The following TMEM132B variants were observed in gnomAD, a reference collection of about 807,000 sequenced individuals.
TMEM132B encodes the protein transmembrane protein 132B.
TMEM132B carries 18 observed loss-of-function variants against 90.8 expected under a neutral mutation model. The ratio of observed to expected loss-of-function variants is 0.20; its 90% confidence interval spans 0.14 to 0.29. TMEM132B has a LOEUF of 0.29. Among genes scored for constraint, TMEM132B ranks in the 10% least tolerant of loss-of-function variants. The pLI is 1.00. For synonymous variants in TMEM132B, 504 were observed against 523.3 expected (o/e 0.96, Z 0.50); for missense variants, 1,096 against 1,326.8 (o/e 0.83, Z 2.70).
At chr12:125,491,042 T>G (rs981807160) in intron 3 of TMEM132B, among the ~76,000 whole-genome samples, 2 of 151,972 alleles carry the variant, frequency 1.3e-5, no homozygotes, top group African/African-American at 4.8e-5. Context: ...CCAGCACCAG[T>G]CAAGCCTTTG....
intron 3 of TMEM132B, among the ~76,000 whole-genome samples, chr12:125,515,054 A>C (rs1883074216): frequency 6.6e-6 from 1 of 152,190 alleles, no homozygotes; most frequent in South Asian, 2.1e-4. Flanking sequence ...TTTGGAAGGA[A>C]GGTGTGTGCT....
At chr12:125,391,827 C>CATG (rs372362541) in intron 2 of TMEM132B, among the ~76,000 whole-genome samples, 111 of 152,210 alleles carry the variant, frequency 7.3e-4, no homozygotes, top group African/African-American at 2.5e-3. Context: ...TGCACAGTGA[C>CATG]ATGATCTCAA....
intron 2 of TMEM132B, among the ~76,000 whole-genome samples, chr12:125,401,367 T>C (rs1272054427): frequency 6.6e-6 from 1 of 152,102 alleles, no homozygotes; most frequent in Non-Finnish European, 1.5e-5. Flanking sequence ...AAGCAAAGTG[T>C]ATATTGGGTA....
chr12:125,507,961 G>A (rs1882886487), intron 3 of TMEM132B, among the ~76,000 whole-genome samples: 1 of 152,070 alleles, frequency 6.6e-6, no homozygotes, highest in South Asian at 2.1e-4. Context: ...CTTGGCCTAG[G>A]GCAGAAACAG....
intron 3 of TMEM132B, among the ~76,000 whole-genome samples, chr12:125,427,835 T>G (rs752264152): frequency 6.6e-6 from 1 of 152,222 alleles, no homozygotes; most frequent in Non-Finnish European, 1.5e-5. Context: ...TTTTGTGATT[T>G]CCTTATGCAG....
In TMEM132B at chr12:125,555,585, G is replaced by T. The variant is rs377446166; in HGVS notation, c.1294-28266G>T. Among the ~76,000 whole-genome samples, 11 of 120,116 alleles carry T rather than the reference G, an allele frequency of 9.2e-5. No individual in the cohort carries two copies. The East Asian group carries it at 1.8e-3, about 19-fold the overall frequency. 78.8% of individuals were successfully genotyped at this position (120,116 alleles called of 152,430 possible). On this transcript the variant is annotated intron_variant, in intron 4 of 8. Transcript: ENST00000682704. Reference sequence around the variant, plus strand: ...GTTGTGGGGTGGGGGGTGGGGGGAGGGATAGCATTAGGAGATATACCTAAT... The same window carrying T: ...GTTGTGGGGTGGGGGGTGGGGGGAGTGATAGCATTAGGAGATATACCTAAT...
In TMEM132B at chr12:125,603,786, G is replaced by A. The variant is rs566727613; in HGVS notation, c.1437+19792G>A. ...CAACCCTATTGAAAAGTGGGCAAAGGATATGAACAGACACTTCTCGAAAGA... is the reference window on the plus strand; with the variant it reads ...CAACCCTATTGAAAAGTGGGCAAAGAATATGAACAGACACTTCTCGAAAGA... On this transcript the variant is annotated intron_variant, in intron 5 of 8. Transcript: ENST00000682704. Among the ~76,000 whole-genome samples, 33 of 152,230 alleles carry A rather than the reference G, an allele frequency of 2.2e-4. 1 individual carries two copies. In the South Asian group the frequency reaches 6.6e-3, roughly 31 times the overall value.
At chr12:125,235,505 A>G (rs1044623417) in intron 1 of TMEM132B, among the ~76,000 whole-genome samples, 1 of 151,162 alleles carries the variant, frequency 6.6e-6, no homozygotes, top group African/African-American at 2.4e-5. Context: ...TTTAAACCGA[A>G]CCATTCAGTG....
chr12:125,217,907 C>T (rs576614675), intron 1 of TMEM132B, among the ~76,000 whole-genome samples: 113 of 152,194 alleles, frequency 7.4e-4, no homozygotes, highest in African/African-American at 2.5e-3. Context: ...AGCAGTTGTT[C>T]GTAAGAGGAG....
intron 2 of TMEM132B, among the ~76,000 whole-genome samples, chr12:125,394,052 A>G (rs1879103459): frequency 1.3e-5 from 2 of 152,190 alleles, no homozygotes; most frequent in Admixed American, 1.3e-4. Flanking sequence ...ACAGAGAACA[A>G]CCCATATAGC....
Position 125,617,151 on chromosome 12 carries a change from G to A in TMEM132B, c.1438-26925G>A, listed in dbSNP as rs59151977. Among the ~76,000 whole-genome samples the A allele has an allele frequency of 3.8e-3, 574 of 152,218 alleles. 4 individuals are homozygous for A. Among genetic ancestry groups the A allele is most frequent in the African/African-American group, 0.013 (538 of 41,538 alleles). On this transcript the variant is annotated intron_variant, in intron 5 of 8. Transcript: ENST00000682704. ...TTTTTGAAAGCTTTTACCACTCTGG[G>A]TACTGATCTCTATGCCCATGGCTTT...
At chr12:125,331,692 G>GT (rs1249826923) in intron 1 of TMEM132B, among the ~76,000 whole-genome samples, 4 of 152,200 alleles carry the variant, frequency 2.6e-5, no homozygotes, top group African/African-American at 7.2e-5. Context: ...CCTTAGGCAA[G>GT]TTTTTTGACC....
intron 5 of TMEM132B, among the ~76,000 whole-genome samples, chr12:125,623,285 GCTAAA>G (rs1886156556): frequency 6.6e-6 from 1 of 152,138 alleles, no homozygotes; most frequent in African/African-American, 2.4e-5. Flanking sequence ...ATAAACATAT[GCTAAA>G]CTTTGTAATC....
chr12:125,422,522 C>A (rs749600186), intron 3 of TMEM132B, among the ~76,000 whole-genome samples: 1 of 152,172 alleles, frequency 6.6e-6, no homozygotes, highest in Admixed American at 6.5e-5. Context: ...TCAAAGCATG[C>A]CCCCTCAAAA....
At chr12:125,280,635 G>A (rs1292673280) in intron 1 of TMEM132B, among the ~76,000 whole-genome samples, 1 of 152,222 alleles carries the variant, frequency 6.6e-6, no homozygotes, top group African/African-American at 2.4e-5. Context: ...AGCAGATGCT[G>A]CTGCTCCCCT....
chr12:125,456,451 A>G (rs1881294759), intron 3 of TMEM132B, among the ~76,000 whole-genome samples: 1 of 152,236 alleles, frequency 6.6e-6, no homozygotes, highest in African/African-American at 2.4e-5. Flanking sequence ...GAAGGATTCA[A>G]GAGGCTGCCA....
intron 1 of TMEM132B, among the ~76,000 whole-genome samples, chr12:125,313,798 G>T (rs1876182404): frequency 7.0e-6 from 1 of 142,762 alleles, no homozygotes; most frequent in Non-Finnish European, 1.5e-5. Flanking sequence ...GCTATGCTCA[G>T]AAGGACCCCA....
chr12:125,351,656 A>G (rs1293707847), intron 2 of TMEM132B, among the ~76,000 whole-genome samples: 1 of 152,218 alleles, frequency 6.6e-6, no homozygotes, highest in East Asian at 1.9e-4. Context: ...AGCGGCTATC[A>G]TCCCTCCAGC....
At chr12:125,545,784 T>C (rs1384023259) in intron 4 of TMEM132B, among the ~76,000 whole-genome samples, 4 of 152,194 alleles carry the variant, frequency 2.6e-5, no homozygotes, top group Admixed American at 2.6e-4. Context: ...AGATTCCTGG[T>C]GGGTTCTTTG....
Sources: allele counts gnomAD v4.1 joint callset (sites outside exome capture counted in the v4.1 genomes callset), GRCh38; gene constraint gnomAD v4.1.1; transcripts MANE v1.5; gene names NCBI Gene and HGNC (gene_info 2026-07-23, HGNC 2026-07-21).